GNAQ: variants seen among roughly 807,000 people sequenced by gnomAD.
GNAQ encodes the protein G protein subunit alpha q.
GNAQ carries 8 observed loss-of-function variants against 43.9 expected under a neutral mutation model. The observed-to-expected ratio is 0.18, with a 90% CI of 0.11 to 0.33. GNAQ has a LOEUF of 0.33. Ranked by LOEUF, GNAQ falls within the 10% of genes least tolerant of loss-of-function variation. The pLI, the probability that GNAQ is intolerant of heterozygous loss-of-function variation, is 1.00. For synonymous variants in GNAQ, 155 were observed against 170.7 expected (o/e 0.91, Z 0.71); for missense variants, 158 against 450.8 (o/e 0.35, Z 5.88).
At chr9:77,741,137 C>G (rs1401338133) in intron 5 of GNAQ, among the ~76,000 whole-genome samples, 2 of 152,026 alleles carry the variant, frequency 1.3e-5, no homozygotes, top group African/African-American at 2.4e-5. Context: ...AGACAGTGGG[C>G]TGGATCTGGC....
At chr9:77,818,181 A>G (rs956040801) in intron 2 of GNAQ, among the ~76,000 whole-genome samples, 1 of 152,194 alleles carries the variant, frequency 6.6e-6, no homozygotes, top group African/African-American at 2.4e-5. Context: ...TCAAAAACAG[A>G]GCAATCACCA....
chr9:77,795,679 C>T (rs75517456), intron 4 of GNAQ, among the ~76,000 whole-genome samples: 5,721 of 152,226 alleles, frequency 0.038, 395 homozygotes, highest in African/African-American at 0.13. Flanking sequence ...GTACTATGGA[C>T]ATCAAAGCCA....
chr9:78,014,764 T>A (rs1353435831), intron 1 of GNAQ, among the ~76,000 whole-genome samples: 1 of 152,126 alleles, frequency 6.6e-6, no homozygotes, highest in Non-Finnish European at 1.5e-5. Context: ...GGTAATGCGG[T>A]AATGACAAAA....
At chr9:77,780,358 G>A (rs1386372649) in intron 5 of GNAQ, among the ~76,000 whole-genome samples, 1 of 151,260 alleles carries the variant, frequency 6.6e-6, no homozygotes, top group Non-Finnish European at 1.5e-5. Flanking sequence ...AGCATATGCA[G>A]TGTTTAACTT....
At chr9:77,776,276 G>C (rs140847357) in intron 5 of GNAQ, among the ~76,000 whole-genome samples, 310 of 152,282 alleles carry the variant, frequency 2.0e-3, no homozygotes, top group African/African-American at 6.9e-3. Flanking sequence ...AAATACGTTA[G>C]TCAATAGACA....
intron 5 of GNAQ, among the ~76,000 whole-genome samples, chr9:77,781,028 T>G (rs1470103556): frequency 6.6e-6 from 1 of 151,742 alleles, no homozygotes; most frequent in Non-Finnish European, 1.5e-5. Context: ...CCCTGTTGGA[T>G]GAATACGGAT....
chr9:77,820,087 C>CAAAAAAAAAAAAAAAAAAAAAAAAAA (rs3083136), intron 2 of GNAQ, among the ~76,000 whole-genome samples: 2 of 104,992 alleles, frequency 1.9e-5, no homozygotes, highest in Non-Finnish European at 3.7e-5. Context: ...ATTTAAAATG[C>CAAAAAAAAAAAAAAAAAAAAAAAAAA]AAAAAAAAAA....
At chr9:77,970,658 T>C (rs927175560) in intron 1 of GNAQ, among the ~76,000 whole-genome samples, 1 of 152,148 alleles carries the variant, frequency 6.6e-6, no homozygotes, top group Non-Finnish European at 1.5e-5. Flanking sequence ...GGGAAATTTA[T>C]AGCACTAAAT....
chr9:77,873,985 AT>A (rs1418904965), intron 2 of GNAQ, among the ~76,000 whole-genome samples: 2 of 151,900 alleles, frequency 1.3e-5, no homozygotes, highest in Non-Finnish European at 2.9e-5. Flanking sequence ...CATGCCTGTA[AT>A]CCCAGCTACC....
At chr9:77,967,035 T>A (rs1226298753) in intron 1 of GNAQ, among the ~76,000 whole-genome samples, 1 of 152,182 alleles carries the variant, frequency 6.6e-6, no homozygotes, top group Non-Finnish European at 1.5e-5. Context: ...ACTCTCCCCA[T>A]GGGCTTTTGT....
intron 1 of GNAQ, among the ~76,000 whole-genome samples, chr9:77,980,051 A>G (rs1823350502): frequency 6.6e-6 from 1 of 152,222 alleles, no homozygotes; most frequent in Admixed American, 6.5e-5. Flanking sequence ...GCACAACAGA[A>G]AGAGCAACGG....
intron 1 of GNAQ, among the ~76,000 whole-genome samples, chr9:77,996,089 C>CCATT (rs1279136889): frequency 6.6e-6 from 1 of 152,132 alleles, no homozygotes; most frequent in Non-Finnish European, 1.5e-5. Context: ...CAAAACGGCA[C>CCATT]CATTCAGAGG....
rs560291360 is a variant in GNAQ, at chr9:77,800,321, C to G, written c.477-2673G>C. Reference sequence around the variant, plus strand: ...CACAATAGCGAAGACTTGGAACCAACCCAAATGTCCAACAATGATAGACTG... The same window carrying G: ...CACAATAGCGAAGACTTGGAACCAAGCCAAATGTCCAACAATGATAGACTG... On this transcript the variant is annotated intron_variant, in intron 3 of 6. Transcript: ENST00000286548. Among the ~76,000 whole-genome samples, 297 of 152,034 alleles carry G rather than the reference C, an allele frequency of 2.0e-3. 2 individuals carry two copies. Among genetic ancestry groups the G allele is most frequent in the African/African-American group, 6.8e-3 (280 of 41,408 alleles).
intron 5 of GNAQ, among the ~76,000 whole-genome samples, chr9:77,761,057 C>A (rs1826001059): frequency 1.3e-5 from 2 of 151,292 alleles, no homozygotes; most frequent in Admixed American, 6.6e-5. Context: ...CCGGCAGCCA[C>A]CCCATCTGGG....
chr9:77,813,495 A>G (rs1253999344), intron 3 of GNAQ, among the ~76,000 whole-genome samples: 1 of 152,202 alleles, frequency 6.6e-6, no homozygotes, highest in Non-Finnish European at 1.5e-5. Flanking sequence ...TAGATATGGC[A>G]GCATCCAATC....
intron 2 of GNAQ, among the ~76,000 whole-genome samples, chr9:77,846,936 A>C (rs1827595569): frequency 6.6e-6 from 1 of 152,124 alleles, no homozygotes; most frequent in Non-Finnish European, 1.5e-5. Context: ...ACAGGACTAG[A>C]CTTTTGCCCC....
rs1383966967 is a variant in GNAQ at position 77,717,749 on chromosome 9, A to C, written c.*3574T>G. ...AATCTACCAAAAAAAAAAAAATACA[A>C]GTTTTACGTGTTCTTCAGATTCCTT... is the stretch of plus-strand genomic sequence containing the variant. On this transcript the variant is annotated 3_prime_UTR_variant, in exon 7 of 7. Coordinates refer to ENST00000286548, the MANE Select transcript of GNAQ (RefSeq NM_002072.5). 1 of 232,400 alleles carries C rather than the reference A, an allele frequency of 4.3e-6. No individual in the cohort carries two copies. The highest frequency in any genetic ancestry group is 8.5e-6 in the Non-Finnish European group (1 of 117,674). The allele number at this position is 232,400 out of a possible 1,614,324, so 14.4% of individuals were successfully genotyped here. A position where few individuals can be genotyped will look rare whatever the true frequency, so the allele number is the denominator to read the frequency against.
chr9:77,970,321 A>T (rs993191762), intron 1 of GNAQ, among the ~76,000 whole-genome samples: 1 of 152,132 alleles, frequency 6.6e-6, no homozygotes, highest in African/African-American at 2.4e-5. Context: ...CCACATTGCA[A>T]ACCTGCATCA....
intron 2 of GNAQ, among the ~76,000 whole-genome samples, chr9:77,848,884 G>A (rs1252265839): frequency 1.3e-5 from 2 of 152,188 alleles, no homozygotes; most frequent in African/African-American, 2.4e-5. Context: ...CAGAATCAGA[G>A]ATAAATACCC....
Sources: allele counts gnomAD v4.1 joint callset (sites outside exome capture counted in the v4.1 genomes callset), GRCh38; gene constraint gnomAD v4.1.1; transcripts MANE v1.5; gene names NCBI Gene and HGNC (gene_info 2026-07-23, HGNC 2026-07-21).